The following CSMD1 variants were observed in gnomAD, a reference collection of about 807,000 sequenced individuals.
The protein encoded by CSMD1 is CUB and sushi domain-containing protein 1.
CSMD1 carries 213 observed loss-of-function variants against 417.5 expected under a neutral mutation model. The ratio of observed to expected loss-of-function variants is 0.51; its 90% CI spans 0.46 to 0.57. CSMD1 has a LOEUF of 0.57. CSMD1 is among the 20% of genes least tolerant of loss of function. The pLI is 0.00. For synonymous variants in CSMD1, 2,862 were observed against 1,736.8 expected (o/e 1.65, Z -16.11); for missense variants, 6,923 against 4,529.7 (o/e 1.53, Z -15.17).
intron 5 of CSMD1, among the ~76,000 whole-genome samples, chr8:3,812,504 T>G (rs1033783253): frequency 1.3e-5 from 2 of 152,204 alleles, no homozygotes; most frequent in African/African-American, 4.8e-5. Flanking sequence ...TTCACAACAC[T>G]GAAAAACAGT....
At chr8:4,062,274 A>C (rs564438479) in intron 3 of CSMD1, among the ~76,000 whole-genome samples, 25 of 152,182 alleles carry the variant, frequency 1.6e-4, no homozygotes, top group African/African-American at 6.0e-4. Flanking sequence ...CTGCAATAAA[A>C]CCAAAGTTGG....
At chr8:4,463,304 G>T (rs1336138502) in intron 2 of CSMD1, among the ~76,000 whole-genome samples, 1 of 152,154 alleles carries the variant, frequency 6.6e-6, no homozygotes, top group Non-Finnish European at 1.5e-5. Context: ...GTGAGGAGGT[G>T]TATGGGTGTT....
chr8:4,578,158 G>A (rs1044433210), intron 2 of CSMD1, among the ~76,000 whole-genome samples: 1 of 151,824 alleles, frequency 6.6e-6, no homozygotes, highest in Non-Finnish European at 1.5e-5. Context: ...GCTGATAAAA[G>A]AGCATTTTTT....
intron 1 of CSMD1, among the ~76,000 whole-genome samples, chr8:4,748,301 G>C (rs1027824779): frequency 2.0e-5 from 3 of 152,234 alleles, no homozygotes; most frequent in African/African-American, 4.8e-5. Context: ...TTCTACAAGA[G>C]AAGCCAGAGT....
At chr8:3,325,207 C>G (rs1057236378) in intron 23 of CSMD1, among the ~76,000 whole-genome samples, 24 of 152,290 alleles carry the variant, frequency 1.6e-4, no homozygotes, top group South Asian at 1.2e-3. Flanking sequence ...GTCCAGGTCT[C>G]CAGGCTGTTT....
intron 1 of CSMD1, among the ~76,000 whole-genome samples, chr8:4,729,440 C>T (rs763873051): frequency 1.3e-5 from 2 of 152,056 alleles, no homozygotes; most frequent in African/African-American, 2.4e-5. Context: ...AGATTTGCGG[C>T]AGAGGGGAGC....
At position 3,066,696 on chromosome 8, in the gene CSMD1, A is replaced by G. The variant is rs139063651; in HGVS notation, c.7475-14049T>C. On this transcript the variant is annotated intron_variant, in intron 49 of 69. Coordinates refer to ENST00000635120, the MANE Select transcript of CSMD1 (RefSeq NM_033225.6). Reference sequence around the variant, plus strand: ...TCAAATGGCTCTGTAGATTCCAAACAGACTGAAGGCTGGTCATAAGGGAGA... The same window carrying G: ...TCAAATGGCTCTGTAGATTCCAAACGGACTGAAGGCTGGTCATAAGGGAGA... Among the ~76,000 whole-genome samples, 1,467 of 152,348 alleles carry G rather than the reference A, an allele frequency of 9.6e-3. 27 individuals are homozygous for G. The highest frequency in any genetic ancestry group is 0.033 in the African/African-American group (1,386 of 41,580).
At chr8:3,657,083 T>C (rs1798148333) in intron 7 of CSMD1, among the ~76,000 whole-genome samples, 1 of 152,134 alleles carries the variant, frequency 6.6e-6, no homozygotes, top group African/African-American at 2.4e-5. Context: ...GAGAGTCCAC[T>C]ACCGAGTTGC....
chr8:3,407,045 G>C (rs1253517506), intron 14 of CSMD1, among the ~76,000 whole-genome samples: 1 of 152,090 alleles, frequency 6.6e-6, no homozygotes, highest in African/African-American at 2.4e-5. Flanking sequence ...AAGAAAGGAA[G>C]AATGGCTGGC....
intron 10 of CSMD1, among the ~76,000 whole-genome samples, chr8:3,510,088 G>A (rs746330338): frequency 1.3e-5 from 2 of 152,190 alleles, no homozygotes; most frequent in African/African-American, 2.4e-5. Flanking sequence ...TTCATTAGGA[G>A]AAAGTAAATG....
At chr8:4,303,294 C>G (rs573137353) in intron 3 of CSMD1, among the ~76,000 whole-genome samples, 5 of 152,010 alleles carry the variant, frequency 3.3e-5, no homozygotes, top group Non-Finnish European at 7.4e-5. Flanking sequence ...ATTATTTTTA[C>G]TTAGTTATAA....
chr8:4,091,128 A>G (rs1444639242), intron 3 of CSMD1, among the ~76,000 whole-genome samples: 1 of 152,086 alleles, frequency 6.6e-6, no homozygotes, highest in Non-Finnish European at 1.5e-5. Flanking sequence ...CATTTTGGCC[A>G]GGCTGGTCTC....
intron 5 of CSMD1, among the ~76,000 whole-genome samples, chr8:3,829,032 A>ATTTTTT (rs1452704519): frequency 3.0e-5 from 4 of 133,924 alleles, no homozygotes; most frequent in African/African-American, 1.1e-4. Context: ...TTTTTTAAAA[A>ATTTTTT]AATGTATTTT....
intron 18 of CSMD1, chr8:3,373,417 C>G (rs1008962617): frequency 3.3e-5 from 5 of 152,204 alleles, no homozygotes; most frequent in African/African-American, 1.2e-4. Context: ...GGTGCAAACA[C>G]AACGTAGTCC....
At chr8:4,787,463 G>C (rs1797465616) in intron 1 of CSMD1, 3 of 800,122 alleles carry the variant, frequency 3.7e-6, no homozygotes, top group Admixed American at 2.0e-5. Flanking sequence ...GAATCACCTG[G>C]AAGGAAAAGC....
chr8:4,970,894 A>C (rs1204055903), intron 1 of CSMD1, among the ~76,000 whole-genome samples: 1 of 152,108 alleles, frequency 6.6e-6, no homozygotes, highest in Non-Finnish European at 1.5e-5. Flanking sequence ...GAAAGTAACG[A>C]AGTGCTTTTT....
chr8:3,577,989 T>G (rs192924903), intron 9 of CSMD1, among the ~76,000 whole-genome samples: 516 of 152,254 alleles, frequency 3.4e-3, no homozygotes, highest in Middle Eastern at 0.017. Context: ...CACACGGTGG[T>G]GAACAGAGTG....
chr8:4,764,057 C>G (rs989862799), intron 1 of CSMD1, among the ~76,000 whole-genome samples: 3 of 152,196 alleles, frequency 2.0e-5, no homozygotes, highest in Admixed American at 6.5e-5. Context: ...ACGCTGGCAA[C>G]AGACAGCACT....
intron 7 of CSMD1, among the ~76,000 whole-genome samples, chr8:3,663,304 G>A (rs13277066): frequency 6.6e-6 from 1 of 152,178 alleles, no homozygotes; most frequent in Non-Finnish European, 1.5e-5. Context: ...GTGGGCAGTA[G>A]AATATATTTT....
Sources: gnomAD v4.1 joint callset for allele counts (sites outside exome capture counted in the v4.1 genomes callset) on GRCh38, gnomAD v4.1.1 for gene constraint, MANE v1.5 for transcripts, NCBI Gene and HGNC (gene_info 2026-07-23, HGNC 2026-07-21) for gene names.